Variants in ADAM17 observed in about 807,000 individuals in gnomAD.
ADAM17 encodes the protein disintegrin and metalloproteinase domain-containing protein 17.
Under a neutral mutation model 96.7 loss-of-function variants are expected in ADAM17, and 39 were observed. The observed-to-expected ratio is 0.40, with a 90% confidence interval of 0.31 to 0.53. The LOEUF is 0.53. Ranked by LOEUF, ADAM17 falls within the 20% of genes least tolerant of loss-of-function variation. ADAM17 has a pLI of 0.44. For missense variants in ADAM17, 777 were observed against 1,013.2 expected, an observed-to-expected ratio of 0.77 and a Z score of 3.17; for synonymous variants, 344 against 359.2, an observed-to-expected ratio of 0.96 and a Z score of 0.48.
chr2:9,491,211 T>C lies in ADAM17; in HGVS notation c.2083-60A>G, dbSNP rs10495562. On this transcript the variant is annotated intron_variant, in intron 17 of 18. Coordinates refer to ENST00000310823, the MANE Select transcript of ADAM17 (RefSeq NM_003183.6). The stretch of plus-strand genomic sequence containing the variant: ...AATACAATTCAGTTAGTGAGTACTA[T>C]TTCATCACAGGCTATTCCTAACACT... The C allele has an allele frequency of 0.47, 692,308 of 1,479,208 alleles. 171,241 individuals carry two copies. The highest frequency in any genetic ancestry group is 0.61 in the Middle Eastern group (3,499 of 5,772). The allele number at this position is 1,479,208 out of a possible 1,614,324, so 91.6% of individuals were successfully genotyped here.
At chr2:9,534,733 G>GTCTGTCAAAATGTCAATAGTAGTTA (rs1664892645) in intron 4 of ADAM17, among the ~76,000 whole-genome samples, 1 of 152,126 alleles carries the variant, frequency 6.6e-6, no homozygotes, top group African/African-American at 2.4e-5. Flanking sequence ...TTGGAAGGAT[G>GTCTGTCAAAATGTCAATAGTAGTTA]TCTGTCAAAA....
chr2:9,521,270 T>C lies in ADAM17; in HGVS notation c.890A>G (p.His297Arg). The C allele has an allele frequency of 6.2e-7, 1 of 1,612,848 alleles. No individual in the cohort carries two copies. The highest frequency in any genetic ancestry group is 2.2e-5 in the East Asian group (1 of 44,864). Residue 297 changes from histidine to arginine, a missense_variant, in exon 8 of 19, where the codon CAC (histidine) becomes CGC (arginine). Around this residue, in one of 3 missense-constraint regions of ADAM17, gnomAD observed 446 missense variants for 664.7 expected, o/e 0.67. Coordinates refer to ENST00000310823, the MANE Select transcript of ADAM17 (RefSeq NM_003183.6). ...SPQEVKPGEK[H>R]YNMAKSYPNE... is the part of the protein sequence containing the mutation. Reference sequence around the variant, plus strand: ...TGGGTAACTTTTTGCCATGTTGTAGTGCTTTTCACCAGGTTTTACCTCTTG... The same window carrying C: ...TGGGTAACTTTTTGCCATGTTGTAGCGCTTTTCACCAGGTTTTACCTCTTG...
rs1229532746 is a variant in ADAM17 at position 9,489,150 on chromosome 2, T to TG, written c.*1026dup. On this transcript the variant is annotated 3_prime_UTR_variant, in exon 19 of 19. Transcript: ENST00000310823. ...CTGGCTCATCACATTCAAAACAACC[T>TG]GTTTTTTTTGTTGTTGTTGTTGTTA... 3 of 112,436 alleles carry TG rather than the reference T, an allele frequency of 2.7e-5. No individual in the cohort carries two copies. The highest frequency in any genetic ancestry group is 4.3e-5 in the Non-Finnish European group (2 of 46,334). The allele number at this position is 112,436 out of a possible 1,614,324, so 7.0% of individuals were successfully genotyped here. A position where few individuals can be genotyped will look rare whatever the true frequency, so the allele number is the denominator to read the frequency against.
chr2:9,505,730 G>C (rs958637237), intron 11 of ADAM17: 11 of 242,946 alleles, frequency 4.5e-5, no homozygotes, highest in Non-Finnish European at 6.5e-5. Context: ...CTCACCTCAG[G>C]CATGCCACTC....
intron 15 of ADAM17, 114 bp from the exon 16 acceptor site, chr2:9,493,939 TC>T: frequency 1.2e-6 from 1 of 817,936 alleles, no homozygotes; most frequent in Non-Finnish European, 1.9e-6. Flanking sequence ...TCAAACGTTT[TC>T]CCATCTTTGA....
At chr2:9,531,039 CCT>C (rs1398730697) in intron 4 of ADAM17, among the ~76,000 whole-genome samples, 1 of 152,168 alleles carries the variant, frequency 6.6e-6, no homozygotes, top group African/African-American at 2.4e-5. Context: ...CTCACTGCAA[CCT>C]CTGTCTCCCA....
intron 4 of ADAM17, among the ~76,000 whole-genome samples, chr2:9,533,700 G>C (rs1219277996): frequency 6.6e-6 from 1 of 152,162 alleles, no homozygotes; most frequent in Non-Finnish European, 1.5e-5. Flanking sequence ...CAGAGATAAA[G>C]TGTTCTAGAA....
intron 1 of ADAM17, among the ~76,000 whole-genome samples, chr2:9,544,880 G>C (rs1665349939): frequency 6.6e-6 from 1 of 152,014 alleles, no homozygotes; most frequent in Non-Finnish European, 1.5e-5. Flanking sequence ...CAACATCCTT[G>C]CCTCACAATA....
chr2:9,532,464 A>T (rs2125031408), intron 4 of ADAM17, among the ~76,000 whole-genome samples: 1 of 152,176 alleles, frequency 6.6e-6, no homozygotes, highest in African/African-American at 2.4e-5. Context: ...ACTTGTAAGT[A>T]AACATCTTTG....
chr2:9,527,415 T>C (rs1664574260), intron 5 of ADAM17: 1 of 155,486 alleles, frequency 6.4e-6, no homozygotes, highest in Non-Finnish European at 1.4e-5. Context: ...TCTTGTATTC[T>C]AAGCAGTATA....
intron 13 of ADAM17, among the ~76,000 whole-genome samples, chr2:9,498,905 T>A (rs1210260987): frequency 5.3e-5 from 8 of 152,268 alleles, no homozygotes; most frequent in Admixed American, 4.6e-4. Flanking sequence ...GAAAATGGTA[T>A]CATCTATCTA....
At chr2:9,542,484 T>C (rs1665246382) in intron 2 of ADAM17, among the ~76,000 whole-genome samples, 1 of 152,188 alleles carries the variant, frequency 6.6e-6, no homozygotes, top group Admixed American at 6.6e-5. Flanking sequence ...CACCAGGCTG[T>C]GGGGTCCTGA....
intron 16 of ADAM17, 26 bp downstream of exon 16, chr2:9,493,721 G>GT (rs1662339945): frequency 6.3e-7 from 1 of 1,597,384 alleles, no homozygotes; most frequent in Admixed American, 1.7e-5. Flanking sequence ...TCAGCTCTCA[G>GT]TAAGTAATCT....
chr2:9,528,510 C>T (rs1045505031), intron 4 of ADAM17, among the ~76,000 whole-genome samples: 4 of 152,162 alleles, frequency 2.6e-5, no homozygotes, highest in East Asian at 1.9e-4. Flanking sequence ...TTTCAGCGAA[C>T]GCAGTTTTTA....
chr2:9,524,580 C>G (rs1664444178), intron 6 of ADAM17, among the ~76,000 whole-genome samples: 1 of 152,140 alleles, frequency 6.6e-6, no homozygotes, highest in African/African-American at 2.4e-5. Flanking sequence ...GTATTCCCTT[C>G]TAAAAAGAAT....
rs1418503236 is a variant in ADAM17, at chr2:9,510,014, G to A, written c.1309C>T (p.Pro437Ser). The A allele has an allele frequency of 6.2e-7, 1 of 1,613,898 alleles. No individual in the cohort carries two copies. The highest frequency in any genetic ancestry group is 8.5e-7 in the Non-Finnish European group (1 of 1,180,006). The change falls in exon 11 of 19, where the codon CCC (proline) becomes TCC (serine). Residue 437 changes from proline (P) to serine (S), a missense_variant. Coordinates refer to ENST00000310823, the MANE Select transcript of ADAM17 (RefSeq NM_003183.6). ...EDQGGKYVMYPIAVSGDHENN... is the reference protein window; with the variant it reads ...EDQGGKYVMYSIAVSGDHENN... ...TCGTGATCGCCACTCACAGCTATGG[G>A]ATACATGACATATTTCCCTCCCTGG...
chr2:9,529,508 A>G (rs1039981743), intron 4 of ADAM17, among the ~76,000 whole-genome samples: 15 of 152,148 alleles, frequency 9.9e-5, no homozygotes, highest in African/African-American at 3.6e-4. Flanking sequence ...TTCCATTTAT[A>G]TGAGATGACC....
At chr2:9,515,005 C>CT (rs1218446463) in intron 10 of ADAM17, among the ~76,000 whole-genome samples, 5 of 152,178 alleles carry the variant, frequency 3.3e-5, no homozygotes, top group Non-Finnish European at 5.9e-5. Context: ...GGACTATAGG[C>CT]TCCTGCCACC....
rs546255864 is a variant in ADAM17 at position 9,492,894 on chromosome 2, T to C, written c.2082+4A>G. 1.9e-6 allele frequency: 3 copies of C among 1,607,528 alleles called. No individual in the cohort carries two copies. Among genetic ancestry groups the C allele is most frequent in the South Asian group, 2.2e-5 (2 of 90,246 alleles). ...ATTTAATTACTTAAAAGTTGATGAC[T>C]TACCACACAATGGACAAGAATGCTG... On this transcript the variant is annotated splice_donor_region_variant and intron_variant, in intron 17 of 18. Transcript: ENST00000310823.
Sources: gnomAD v4.1 joint callset for allele counts (sites outside exome capture counted in the v4.1 genomes callset) on GRCh38, gnomAD v4.1.1 for gene constraint, gnomAD v4.1.1 regional missense constraint, MANE v1.5 for transcripts, NCBI Gene and HGNC (gene_info 2026-07-23, HGNC 2026-07-21) for gene names.